EFHC2: variants seen among roughly 807,000 people sequenced by gnomAD.
The protein encoded by EFHC2 is EF-hand domain containing 2.
A neutral mutation model predicts 52.7 loss-of-function variants in EFHC2; 18 were observed. The observed-to-expected ratio is 0.34, with a 90% CI of 0.24 to 0.51. The LOEUF (loss-of-function observed/expected upper bound fraction) is 0.51, where lower values mean the gene tolerates loss of function less well. Among genes scored for constraint, EFHC2 ranks in the 20% least tolerant of loss-of-function variants. EFHC2 has a pLI of 0.97. For synonymous variants in EFHC2, 203 were observed against 204.1 expected (o/e 0.99, Z 0.04); for missense variants, 513 against 562.5 (o/e 0.91, Z 0.89).
At chrX:44,207,716 A>T (rs1420215035) in intron 11 of EFHC2, among the ~76,000 whole-genome samples, 2 of 112,296 alleles carry the variant, frequency 1.8e-5, no homozygotes, top group African/African-American at 6.5e-5. Context: ...GTAAACAGAC[A>T]ACCCACAGAA....
intron 7 of EFHC2, among the ~76,000 whole-genome samples, chrX:44,246,455 A>G (rs959928435): frequency 8.9e-6 from 1 of 112,668 alleles, no homozygotes; most frequent in African/African-American, 3.2e-5. Context: ...TTGCATTTGC[A>G]TAATTTTCTG....
At chrX:44,213,560 A>T (rs1462421681) in intron 11 of EFHC2, among the ~76,000 whole-genome samples, 2 of 112,144 alleles carry the variant, frequency 1.8e-5, no homozygotes, top group Non-Finnish European at 3.8e-5. Flanking sequence ...TTATAGGTAG[A>T]TTTTAAAATT....
intron 11 of EFHC2, among the ~76,000 whole-genome samples, chrX:44,204,338 C>A (rs2037031147): frequency 9.1e-6 from 1 of 110,102 alleles, no homozygotes; most frequent in South Asian, 3.9e-4. Flanking sequence ...TTCTCACCTG[C>A]AAAGGATCAC....
intron 11 of EFHC2, among the ~76,000 whole-genome samples, chrX:44,197,468 GTCT>G (rs2036974157): frequency 9.0e-6 from 1 of 111,648 alleles, no homozygotes. Context: ...TTTAGTTCAT[GTCT>G]TCAGGAGCAG....
intron 14 of EFHC2, among the ~76,000 whole-genome samples, chrX:44,152,187 T>C (rs1191068022): frequency 8.9e-6 from 1 of 111,784 alleles, no homozygotes. Flanking sequence ...GATACTCTTT[T>C]AAGTGTTTTA....
At chrX:44,231,344 C>T (rs1056019448) in intron 10 of EFHC2, among the ~76,000 whole-genome samples, 1 of 112,067 alleles carries the variant, frequency 8.9e-6, no homozygotes, top group South Asian at 3.7e-4. Context: ...CCAGGTGATT[C>T]CTGCCTGACA....
At chrX:44,231,591 A>C (rs955395850) in intron 10 of EFHC2, among the ~76,000 whole-genome samples, 6 of 107,034 alleles carry the variant, frequency 5.6e-5, no homozygotes, top group African/African-American at 2.1e-4. Context: ...CACACTTCTC[A>C]TTCTGTCTTG....
At position 44,248,442 on chromosome X, in the gene EFHC2, C is replaced by T. The variant is rs2037416990; in HGVS notation, c.973-32G>A. The T allele has an allele frequency of 5.1e-6, 6 of 1,178,506 alleles. No homozygotes were observed. In the South Asian group the frequency reaches 9.7e-5, roughly 19 times the overall value. On this transcript the variant is annotated intron_variant, in intron 6 of 14. Coordinates refer to ENST00000420999, the MANE Select transcript of EFHC2 (RefSeq NM_025184.4). ...AAGACAAAGGAACATAGCATTGGCA[C>T]CATGGACCCTCCAAAGAACCAGGAA...
At chrX:44,205,423 A>T (rs1363906598) in intron 11 of EFHC2, among the ~76,000 whole-genome samples, 1 of 110,459 alleles carries the variant, frequency 9.1e-6, no homozygotes, top group Non-Finnish European at 1.9e-5. Context: ...ATTAAAAAAA[A>T]AAAATACAAG....
intron 2 of EFHC2, among the ~76,000 whole-genome samples, chrX:44,312,119 C>T (rs142983121): frequency 0.1 from 11,348 of 111,825 alleles, 459 homozygotes; most frequent in Admixed American, 0.19. Flanking sequence ...GAAGAACTAA[C>T]CTTAGTCAAA....
At chrX:44,299,079 A>G (rs1276545465) in intron 2 of EFHC2, among the ~76,000 whole-genome samples, 2 of 110,046 alleles carry the variant, frequency 1.8e-5, no homozygotes, top group Non-Finnish European at 3.8e-5. Context: ...ACTAAGGGGG[A>G]AAAAGTGAGT....
At chrX:44,268,584 A>G (rs1439479180) in intron 3 of EFHC2, among the ~76,000 whole-genome samples, 1 of 112,024 alleles carries the variant, frequency 8.9e-6, no homozygotes, top group Non-Finnish European at 1.9e-5. Context: ...TCAGAAAATA[A>G]GCAGAGCTTA....
chrX:44,227,381 G>C (rs949182065), intron 11 of EFHC2, among the ~76,000 whole-genome samples: 2 of 111,025 alleles, frequency 1.8e-5, no homozygotes, highest in African/African-American at 6.6e-5. Flanking sequence ...TGTGGGCTGA[G>C]CACAAATGAG....
At chrX:44,215,931 T>C (rs962101103) in intron 11 of EFHC2, among the ~76,000 whole-genome samples, 1 of 111,842 alleles carries the variant, frequency 8.9e-6, no homozygotes, top group Non-Finnish European at 1.9e-5. Context: ...ATTTTAATTA[T>C]ATGTATGACA....
intron 4 of EFHC2, among the ~76,000 whole-genome samples, 200 bp from the exon 5 acceptor site, chrX:44,250,645 C>T (rs759618911): frequency 2.9e-4 from 30 of 102,734 alleles, no homozygotes; most frequent in Middle Eastern, 5.1e-3. Context: ...GGCAACATGG[C>T]AAAAACACAA....
intron 7 of EFHC2, among the ~76,000 whole-genome samples, chrX:44,248,054 T>TA (rs2037413735): frequency 9.0e-6 from 1 of 111,134 alleles, no homozygotes; most frequent in South Asian, 3.8e-4. Context: ...GAGCCCCCTT[T>TA]AAGCCTCGGT....
chrX:44,304,120 C>T (rs1372203454), intron 2 of EFHC2, among the ~76,000 whole-genome samples: 1 of 112,337 alleles, frequency 8.9e-6, no homozygotes, highest in African/African-American at 3.2e-5. Flanking sequence ...AGATCTTATA[C>T]AGCCACCATA....
At chrX:44,238,806 A>G (rs1297407866) in intron 8 of EFHC2, among the ~76,000 whole-genome samples, 2 of 111,907 alleles carry the variant, frequency 1.8e-5, no homozygotes, top group South Asian at 3.7e-4. Context: ...ACAGCAACTT[A>G]ATACCTTCTT....
intron 1 of EFHC2, among the ~76,000 whole-genome samples, chrX:44,336,495 C>T (rs924057544): frequency 1.8e-5 from 2 of 111,458 alleles, no homozygotes; most frequent in African/African-American, 6.5e-5. Flanking sequence ...TTTGGAATAA[C>T]AGAAATTCTC....
Sources: allele counts gnomAD v4.1 joint callset (sites outside exome capture counted in the v4.1 genomes callset), GRCh38; gene constraint gnomAD v4.1.1; transcripts MANE v1.5; gene names NCBI Gene and HGNC (gene_info 2026-07-23, HGNC 2026-07-21).